Variants in MLST8 observed in about 807,000 individuals in gnomAD.
MLST8 encodes the protein target of rapamycin complex subunit LST8.
Under a neutral mutation model 41.3 loss-of-function variants are expected in MLST8, and 20 were observed. The observed-to-expected ratio is 0.48, with a 90% CI of 0.34 to 0.70. The LOEUF is 0.70. Ranked by LOEUF, MLST8 falls within the 30% of genes least tolerant of loss-of-function variation. The probability of loss-of-function intolerance (pLI) is 0.01; values close to 1 mark genes in which losing one functional copy is unlikely to be tolerated. For synonymous variants in MLST8, 243 were observed against 183.0 expected, an observed-to-expected ratio of 1.33 and a Z score of -2.65; for missense variants, 422 against 454.3, an observed-to-expected ratio of 0.93 and a Z score of 0.65.
chr16:2,205,908 A>G (rs2093276075), intron 1 of MLST8, 123 bp from the exon 2 acceptor site: 4 of 1,438,004 alleles, frequency 2.8e-6, no homozygotes, highest in African/African-American at 1.4e-5. Flanking sequence ...CCCTGAACCT[A>G]CCTGCGCTTC....
At chr16:2,207,949 G>A (rs1045813725) in intron 6 of MLST8, 2 of 389,520 alleles carry the variant, frequency 5.1e-6, no homozygotes, top group African/African-American at 2.1e-5. Flanking sequence ...GTCTACTTCC[G>A]TTGGCCATCG....
intron 4 of MLST8, 34 bp from the exon 5 acceptor site, chr16:2,207,001 A>C: frequency 6.2e-7 from 1 of 1,611,010 alleles, no homozygotes; most frequent in East Asian, 2.2e-5. Flanking sequence ...CAACAAGCCC[A>C]GATGGACAGC....
In MLST8 at chr16:2,207,298, G is replaced by A. The variant is rs200523182; in HGVS notation, c.526G>A (p.Ala176Thr). The A allele has an allele frequency of 1.1e-4, 170 of 1,614,126 alleles. No individual in the cohort carries two copies. The highest frequency in any genetic ancestry group is 1.6e-4 in the Middle Eastern group (1 of 6,062). Residue 176 changes from alanine (A) to threonine (T), a missense_variant, in exon 6 of 9, where the codon GCC becomes ACC. By Grantham distance (58) the Ala-to-Thr change is moderately conservative. Coordinates refer to ENST00000569417, the MANE Select transcript of MLST8 (RefSeq NM_022372.6). ...IPEPEVSITS[A>T]HIDPDASYMA... is the part of the protein sequence containing the mutation. ...TGAGCCCGAGGTCTCCATCACGTCC[G>A]CCCACATCGATCCCGACGCCAGCTA...
Position 2,206,384 on chromosome 16 carries a change from G to A in MLST8, c.156G>A (p.Pro52=), listed in dbSNP as rs780118333. ...AGGTGAATGCCTTGGAGGTCACACC[G>A]GACCGCAGCATGATTGCTGCTGCAG... ...DSQVNALEVT[P]DRSMIAAAGY... The change falls in exon 3 of 9, where the codon CCG becomes CCA. Residue 52 remains proline (P), a synonymous_variant. Transcript: ENST00000569417. 18 of 1,614,114 alleles carry A rather than the reference G, an allele frequency of 1.1e-5. 1 individual carries two copies. In the South Asian group the frequency reaches 1.5e-4, roughly 14 times the overall value.
At chr16:2,207,426 G>A in intron 6 of MLST8, 81 bp downstream of exon 6, 1 of 1,521,456 alleles carries the variant, frequency 6.6e-7, no homozygotes, top group South Asian at 1.2e-5. Context: ...ATTCCTGGAT[G>A]TCCCTTAGCG....
chr16:2,209,010 C>A lies in MLST8; in HGVS notation c.*133C>A. On this transcript the variant is annotated 3_prime_UTR_variant, in exon 9 of 9. Coordinates refer to ENST00000569417, the MANE Select transcript of MLST8 (RefSeq NM_022372.6). ...TGATGGCCCCCTGTGGCGCCTTGAC[C>A]TGCTGGGCCAGGCTGCCCTGGGACT... The A allele has an allele frequency of 1.0e-6, 1 of 1,000,606 alleles. No homozygotes were observed. The highest frequency in any genetic ancestry group is 1.5e-6 in the Non-Finnish European group (1 of 660,090). The allele number at this position is 1,000,606 out of a possible 1,614,324, so 62.0% of individuals were successfully genotyped here. A position where few individuals can be genotyped will look rare whatever the true frequency, so the allele number is the denominator to read the frequency against.
chr16:2,209,307 T>G lies in MLST8; in HGVS notation c.*430T>G, dbSNP rs939138515. On this transcript the variant is annotated 3_prime_UTR_variant, in exon 9 of 9. Coordinates refer to ENST00000569417, the MANE Select transcript of MLST8 (RefSeq NM_022372.6). Reference sequence around the variant, plus strand: ...CAGCAGCTGTCCTCCCTGGTGCAGGTGGCCTGGCCAGCCCACTGGATTGGG... The same window carrying G: ...CAGCAGCTGTCCTCCCTGGTGCAGGGGGCCTGGCCAGCCCACTGGATTGGG... 1 of 1,502,266 alleles carries G rather than the reference T, an allele frequency of 6.7e-7. No homozygotes were observed. The highest frequency in any genetic ancestry group is 1.2e-5 in the South Asian group (1 of 85,064). 93.1% of individuals were successfully genotyped at this position (1,502,266 alleles called of 1,614,324 possible).
intron 7 of MLST8, 31 bp downstream of exon 7, chr16:2,208,365 G>A (rs748754914): frequency 1.2e-6 from 2 of 1,605,418 alleles, no homozygotes; most frequent in South Asian, 2.2e-5. Flanking sequence ...CCCGGGAGGG[G>A]ACCTGCCTGG....
At position 2,208,046 on chromosome 16, in the gene MLST8, A is replaced by G; in HGVS notation, c.574-164A>G. ...CCAGGTGTGGCCCTTGCTTGGGGCC[A>G]GGCTTCCCAGGTGCCTTCTGCAGGC... On this transcript the variant is annotated intron_variant, in intron 6 of 8. Coordinates refer to ENST00000569417, the MANE Select transcript of MLST8 (RefSeq NM_022372.6). 3 of 724,234 alleles carry G rather than the reference A, an allele frequency of 4.1e-6. No individual in the cohort carries two copies. The South Asian group carries it at 7.0e-5, about 17-fold the overall frequency. The allele number at this position is 724,234 out of a possible 1,614,324, so 44.9% of individuals were successfully genotyped here. A position where few individuals can be genotyped will look rare whatever the true frequency, so the allele number is the denominator to read the frequency against.
chr16:2,207,110 G>C lies in MLST8; in HGVS notation c.420G>C (p.Gln140His). ...ACTGCGTGTGCCTGCACCCCAACCA[G>C]GTGAGGGGTGCTCATGGGGCCAGGC... is the stretch of plus-strand genomic sequence containing the variant. Reference protein sequence around the residue: ...PINCVCLHPNQAELIVGDQSG... With the variant: ...PINCVCLHPNHAELIVGDQSG... Residue 140 changes from glutamine to histidine, a missense_variant and splice_region_variant, in exon 5 of 9, where the codon CAG (glutamine) becomes CAC (histidine). By Grantham distance (24) the Gln-to-His change is conservative (BLOSUM62 0). Transcript: ENST00000569417. 6.2e-7 allele frequency: 1 copy of C among 1,613,600 alleles called. No homozygotes were observed. The highest frequency in any genetic ancestry group is 8.5e-7 in the Non-Finnish European group (1 of 1,179,688).
At position 2,209,367 on chromosome 16, in the gene MLST8, C is replaced by A. The variant is rs1347788403; in HGVS notation, c.*490C>A. On this transcript the variant is annotated 3_prime_UTR_variant, in exon 9 of 9. Coordinates refer to ENST00000569417, the MANE Select transcript of MLST8 (RefSeq NM_022372.6). ...GGCTGGGCCAGGTCGGGGGCTCAGTCTGGGAGGTAATAAAAGCAGACCGAC... is the reference window on the plus strand; with the variant it reads ...GGCTGGGCCAGGTCGGGGGCTCAGTATGGGAGGTAATAAAAGCAGACCGAC... 3.1e-6 allele frequency: 5 copies of A among 1,612,360 alleles called. No individual in the cohort carries two copies. In the African/African-American group the frequency reaches 4.0e-5, roughly 13 times the overall value.
At chr16:2,208,667 G>A (rs1198393399) in intron 8 of MLST8, 54 bp downstream of exon 8, 1 of 1,612,442 alleles carries the variant, frequency 6.2e-7, no homozygotes, top group East Asian at 2.2e-5. Flanking sequence ...GGCCTCCAGA[G>A]CCAGCCCACC....
rs1208514879 is a variant in MLST8 at position 2,207,354 on chromosome 16, T to C, written c.573+9T>C. On this transcript the variant is annotated intron_variant, in intron 6 of 8. Transcript: ENST00000569417. ...CAGCTGTCAATAGCACCGTGAGTCC[T>C]GGTGGCAGGTGCTGGGTGCGGGCAG... The C allele has an allele frequency of 6.2e-7, 1 of 1,612,542 alleles. No individual in the cohort carries two copies. Among genetic ancestry groups the C allele is most frequent in the East Asian group, 2.2e-5 (1 of 44,848 alleles).
rs1246006948 is a variant in MLST8, at chr16:2,209,014, T to C, written c.*137T>C. On this transcript the variant is annotated 3_prime_UTR_variant, in exon 9 of 9. Transcript: ENST00000569417. ...GGCCCCCTGTGGCGCCTTGACCTGCTGGGCCAGGCTGCCCTGGGACTCTCA... is the reference window on the plus strand; with the variant it reads ...GGCCCCCTGTGGCGCCTTGACCTGCCGGGCCAGGCTGCCCTGGGACTCTCA... 5 of 926,862 alleles carry C rather than the reference T, an allele frequency of 5.4e-6. No homozygotes were observed. The East Asian group carries it at 1.2e-4, about 22-fold the overall frequency. The allele number at this position is 926,862 out of a possible 1,614,324, so 57.4% of individuals were successfully genotyped here. A position where few individuals can be genotyped will look rare whatever the true frequency, so the allele number is the denominator to read the frequency against.
chr16:2,207,357 T>G lies in MLST8; in HGVS notation c.573+12T>G, dbSNP rs1252026123. 1.7e-5 allele frequency: 27 copies of G among 1,612,184 alleles called. No homozygotes were observed. Among genetic ancestry groups the G allele is most frequent in the Non-Finnish European group, 2.1e-5 (25 of 1,178,654 alleles). On this transcript the variant is annotated intron_variant, in intron 6 of 8. Transcript: ENST00000569417. The stretch of plus-strand genomic sequence containing the variant: ...CTGTCAATAGCACCGTGAGTCCTGG[T>G]GGCAGGTGCTGGGTGCGGGCAGCTT...
intron 1 of MLST8, 135 bp from the exon 2 acceptor site, chr16:2,205,896 G>A: frequency 7.1e-7 from 1 of 1,414,258 alleles, no homozygotes; most frequent in Non-Finnish European, 9.3e-7. Flanking sequence ...TGTGACGCGT[G>A]TCCCTGAACC....
In MLST8 at chr16:2,207,162, TG is replaced by T. The variant is rs780777589; in HGVS notation, c.421-28del. 6.2e-6 allele frequency: 10 copies of T among 1,613,246 alleles called. No individual in the cohort carries two copies. In the South Asian group the frequency reaches 7.7e-5, roughly 12 times the overall value. On this transcript the variant is annotated intron_variant, in intron 5 of 8. Coordinates refer to ENST00000569417, the MANE Select transcript of MLST8 (RefSeq NM_022372.6). ...CCCTGGGACTTTGGAGGGCTGGGCT[TG>T]GGCCCTGCCTCACCACCCCTGCACC...
chr16:2,208,086 C>T, intron 6 of MLST8, 124 bp from the exon 7 acceptor site: 5 of 1,188,832 alleles, frequency 4.2e-6, no homozygotes, highest in Non-Finnish European at 4.6e-6. Context: ...CCAGAGGGGC[C>T]TGCCTGCCCC....
At chr16:2,208,177 T>C (rs764543759) in intron 6 of MLST8, 33 bp from the exon 7 acceptor site, 1 of 1,577,950 alleles carries the variant, frequency 6.3e-7, no homozygotes, top group South Asian at 1.2e-5. Flanking sequence ...CCTGAGGCCT[T>C]GGGCCCTCCG....
Sources: gnomAD v4.1 joint callset for allele counts on GRCh38, gnomAD v4.1.1 for gene constraint, MANE v1.5 for transcripts, NCBI Gene and HGNC (gene_info 2026-07-23, HGNC 2026-07-21) for gene names.